The following CNTNAP2 variants were observed in gnomAD, a reference collection of about 807,000 sequenced individuals.
CNTNAP2 encodes contactin-associated protein-like 2.
In CNTNAP2, 98 loss-of-function variants were observed where a neutral mutation model predicts 155.2. The observed-to-expected ratio is 0.63, with a 90% confidence interval of 0.54 to 0.75. The LOEUF (loss-of-function observed/expected upper bound fraction) is 0.75. Ranked by LOEUF, CNTNAP2 falls within the 30% of genes least tolerant of loss-of-function variation. CNTNAP2 has a pLI of 0.00. For synonymous variants in CNTNAP2, 651 were observed against 631.2 expected (o/e 1.03, Z -0.47); for missense variants, 1,727 against 1,688.1 (o/e 1.02, Z -0.40).
intron 3 of CNTNAP2, among the ~76,000 whole-genome samples, chr7:146,875,540 G>C (rs1250517411): frequency 3.9e-5 from 6 of 152,110 alleles, no homozygotes; most frequent in Non-Finnish European, 7.4e-5. Flanking sequence ...CTGGAAGCCA[G>C]CTCTTCGAAA....
intron 21 of CNTNAP2, among the ~76,000 whole-genome samples, chr7:148,313,884 T>C (rs1160986607): frequency 6.6e-6 from 1 of 152,174 alleles, no homozygotes; most frequent in African/African-American, 2.4e-5. Context: ...TGGGTTTTTA[T>C]ATTTGATGAA....
At chr7:146,161,607 A>G (rs563390103) in intron 1 of CNTNAP2, among the ~76,000 whole-genome samples, 1 of 152,334 alleles carries the variant, frequency 6.6e-6, no homozygotes, top group South Asian at 2.1e-4. Context: ...TTATAGATTC[A>G]ATGGCATCAC....
At position 148,407,646 on chromosome 7, in the gene CNTNAP2, G is replaced by A. The variant is rs1012033046; in HGVS notation, c.3716-1745G>A. 3.5e-5 allele frequency among the ~76,000 whole-genome samples: 5 copies of A among 144,788 alleles called. No individual in the cohort carries two copies. The East Asian group carries it at 6.1e-4, about 18-fold the overall frequency. 95.0% of individuals were successfully genotyped at this position (144,788 alleles called of 152,430 possible). ...TTGAGCCTGGGAGGTCCAGGCTGCAGTGAGCCATGATTGTGCCACTGCACT... is the reference window on the plus strand; with the variant it reads ...TTGAGCCTGGGAGGTCCAGGCTGCAATGAGCCATGATTGTGCCACTGCACT... On this transcript the variant is annotated intron_variant, in intron 22 of 23. Transcript: ENST00000361727.
At chr7:147,263,523 C>T (rs767711474) in intron 8 of CNTNAP2, among the ~76,000 whole-genome samples, 13 of 152,248 alleles carry the variant, frequency 8.5e-5, no homozygotes, top group Non-Finnish European at 1.5e-4. Context: ...ATAAACAAAA[C>T]AACACGAACA....
At chr7:148,173,269 A>G in intron 18 of CNTNAP2, among the ~76,000 whole-genome samples, 1 of 152,230 alleles carries the variant, frequency 6.6e-6, no homozygotes, top group East Asian at 1.9e-4. Flanking sequence ...TAAATGAGGG[A>G]TGAAGAGAGG....
At chr7:147,540,247 C>T (rs1799615031) in intron 11 of CNTNAP2, among the ~76,000 whole-genome samples, 1 of 152,086 alleles carries the variant, frequency 6.6e-6, no homozygotes, top group Admixed American at 6.6e-5. Flanking sequence ...ACTCCAGACC[C>T]CCCAGAACAT....
Position 146,140,530 on chromosome 7 carries a change from C to G in CNTNAP2, c.97+23557C>G, listed in dbSNP as rs117384246. ...TAAAATATATTCTCATATATTAATT[C>G]TCATTCTTAGCCATTAAAATATTTG... On this transcript the variant is annotated intron_variant, in intron 1 of 23. Transcript: ENST00000361727. Among the ~76,000 whole-genome samples, 1,320 of 152,162 alleles carry G rather than the reference C, an allele frequency of 8.7e-3. 27 individuals are homozygous for G. Among genetic ancestry groups the G allele is most frequent in the South Asian group, 0.078 (373 of 4,812 alleles).
In CNTNAP2 at chr7:147,331,663, G is replaced by T. The variant is rs115469466; in HGVS notation, c.1498+31373G>T. Among the ~76,000 whole-genome samples, 717 of 152,204 alleles carry T rather than the reference G, an allele frequency of 4.7e-3. 12 individuals carry two copies. The highest frequency in any genetic ancestry group is 0.016 in the African/African-American group (667 of 41,546). ...GGATCGGCAGAGAAGCACAGGGCAC[G>T]GAGTCTATAGAAGCCACCAGAGGAG... is the stretch of plus-strand genomic sequence containing the variant. On this transcript the variant is annotated intron_variant, in intron 9 of 23. Coordinates refer to ENST00000361727, the MANE Select transcript of CNTNAP2 (RefSeq NM_014141.6).
chr7:147,883,857 G>A (rs559053353), intron 13 of CNTNAP2, among the ~76,000 whole-genome samples: 1 of 152,248 alleles, frequency 6.6e-6, no homozygotes, highest in East Asian at 1.9e-4. Flanking sequence ...CTATGGACAG[G>A]TGCTATTTAT....
intron 21 of CNTNAP2, among the ~76,000 whole-genome samples, chr7:148,368,419 A>C (rs1274872952): frequency 6.6e-6 from 1 of 152,162 alleles, no homozygotes; most frequent in Admixed American, 6.5e-5. Context: ...ATAATGTCTT[A>C]ACTGGTAGAG....
chr7:146,143,638 A>G (rs1797912668), intron 1 of CNTNAP2, among the ~76,000 whole-genome samples: 1 of 152,174 alleles, frequency 6.6e-6, no homozygotes, highest in Non-Finnish European at 1.5e-5. Context: ...GTTTTCAAAT[A>G]TCTACTCTCC....
At chr7:148,046,552 A>T (rs920355486) in intron 15 of CNTNAP2, among the ~76,000 whole-genome samples, 1 of 152,082 alleles carries the variant, frequency 6.6e-6, no homozygotes, top group Non-Finnish European at 1.5e-5. Context: ...TTAGACTTCC[A>T]CTTTTCCTCT....
chr7:147,570,813 GTGTGTA>G (rs1327468098), intron 12 of CNTNAP2, among the ~76,000 whole-genome samples: 1 of 152,166 alleles, frequency 6.6e-6, no homozygotes, highest in East Asian at 1.9e-4. Flanking sequence ...TGTAGTTACC[GTGTGTA>G]TGTGTATGTG....
At chr7:147,479,247 A>T (rs1030351973) in intron 10 of CNTNAP2, among the ~76,000 whole-genome samples, 10 of 152,260 alleles carry the variant, frequency 6.6e-5, no homozygotes, top group Non-Finnish European at 1.2e-4. Context: ...ATACACGCAT[A>T]AAACAATGGC....
At chr7:147,092,765 C>T (rs1350410658) in intron 4 of CNTNAP2, among the ~76,000 whole-genome samples, 5 of 152,096 alleles carry the variant, frequency 3.3e-5, no homozygotes, top group African/African-American at 1.2e-4. Flanking sequence ...CTCTGTACTA[C>T]AAAAACTAAA....
intron 13 of CNTNAP2, among the ~76,000 whole-genome samples, chr7:147,706,882 C>T (rs191036836): frequency 5.9e-5 from 9 of 151,628 alleles, no homozygotes; most frequent in African/African-American, 1.2e-4. Context: ...TCTTAAAGTT[C>T]GGAAATTCTT....
At chr7:146,957,455 C>A (rs1025380357) in intron 3 of CNTNAP2, among the ~76,000 whole-genome samples, 4 of 152,158 alleles carry the variant, frequency 2.6e-5, no homozygotes, top group Admixed American at 6.6e-5. Flanking sequence ...CTCCATTTCA[C>A]TCTGTGAGAA....
At chr7:147,692,774 C>A (rs1476048160) in intron 13 of CNTNAP2, among the ~76,000 whole-genome samples, 1 of 151,916 alleles carries the variant, frequency 6.6e-6, no homozygotes, top group Non-Finnish European at 1.5e-5. Flanking sequence ...TTTTGCGTAC[C>A]TTTTCCTCTA....
chr7:147,701,714 T>C (rs1340609644), intron 13 of CNTNAP2, among the ~76,000 whole-genome samples: 4 of 152,164 alleles, frequency 2.6e-5, no homozygotes, highest in South Asian at 2.1e-4. Flanking sequence ...TTAACAGGAG[T>C]TGTAAGTTCT....
Sources: gnomAD v4.1 joint callset for allele counts (sites outside exome capture counted in the v4.1 genomes callset) on GRCh38, gnomAD v4.1.1 for gene constraint, MANE v1.5 for transcripts, NCBI Gene and HGNC (gene_info 2026-07-23, HGNC 2026-07-21) for gene names.